CABCOCO1: variants seen among roughly 807,000 people sequenced by gnomAD.
The protein encoded by CABCOCO1 is ciliary-associated calcium-binding coiled-coil protein 1.
CABCOCO1 carries 28 observed loss-of-function variants against 35.7 expected under a neutral mutation model. The observed-to-expected ratio is 0.78, with a 90% CI of 0.58 to 1.07. The LOEUF is 1.07. CABCOCO1 is among the 50% of genes least tolerant of loss of function. CABCOCO1 has a pLI of 0.00. For missense variants in CABCOCO1, 326 were observed against 309.2 expected, an observed-to-expected ratio of 1.05 and a Z score of -0.41; for synonymous variants, 95 against 100.1, an observed-to-expected ratio of 0.95 and a Z score of 0.30.
chr10:61,679,537 T>A (rs1839643226), intron 2 of CABCOCO1, among the ~76,000 whole-genome samples: 1 of 152,078 alleles, frequency 6.6e-6, no homozygotes, highest in Non-Finnish European at 1.5e-5. Flanking sequence ...TTAAAAAAAA[T>A]AAATAAATGC....
intron 7 of CABCOCO1, among the ~76,000 whole-genome samples, chr10:61,763,880 G>A (rs1000169507): frequency 2.0e-5 from 3 of 151,898 alleles, no homozygotes; most frequent in Non-Finnish European, 4.4e-5. Flanking sequence ...AAGGAAACAC[G>A]GCTAATGACA....
chr10:61,743,099 G>A lies in CABCOCO1; in HGVS notation c.553-16960G>A, dbSNP rs532358429. Among the ~76,000 whole-genome samples, 33 of 152,126 alleles carry A rather than the reference G, an allele frequency of 2.2e-4. No individual in the cohort carries two copies. The South Asian group carries it at 2.3e-3, about 11-fold the overall frequency. On this transcript the variant is annotated intron_variant, in intron 5 of 7. Coordinates refer to ENST00000648843, the MANE Select transcript of CABCOCO1 (RefSeq NM_001366906.2). ...CACCAGTTGCAAGTAAAGTAATAAG[G>A]CCAAATTTATTTTTTTCATTGAGTC...
At chr10:61,701,743 T>A in intron 5 of CABCOCO1, 1 of 985,138 alleles carries the variant, frequency 1.0e-6, no homozygotes, top group Non-Finnish European at 1.2e-6. Flanking sequence ...GCAACCCACA[T>A]TTGAAAGTGG....
At chr10:61,683,363 T>A (rs1839857241) in intron 3 of CABCOCO1, among the ~76,000 whole-genome samples, 1 of 152,022 alleles carries the variant, frequency 6.6e-6, no homozygotes, top group Admixed American at 6.6e-5. Context: ...AGTCCAAGAC[T>A]AGCCTGGGCA....
At chr10:61,706,310 C>T (rs111466600) in intron 5 of CABCOCO1, among the ~76,000 whole-genome samples, 13 of 152,182 alleles carry the variant, frequency 8.5e-5, no homozygotes, top group Non-Finnish European at 1.3e-4. Context: ...GAGAAGGGAA[C>T]GCAGTTCATT....
At chr10:61,712,405 C>G (rs1037071982) in intron 5 of CABCOCO1, among the ~76,000 whole-genome samples, 11 of 152,046 alleles carry the variant, frequency 7.2e-5, no homozygotes, top group Non-Finnish European at 1.5e-4. Flanking sequence ...TGGATATTAG[C>G]CCTTTGGCAG....
In CABCOCO1 at chr10:61,735,650, C is replaced by T. The variant is rs574316285; in HGVS notation, c.553-24409C>T. 3.9e-5 allele frequency among the ~76,000 whole-genome samples: 6 copies of T among 152,214 alleles called. No homozygotes were observed. The East Asian group carries it at 9.6e-4, about 24-fold the overall frequency. ...TTTTAATCCTAAATTACATTTCCCT[C>T]TGTATTTCTTCTGTCACATGAGCCA... is the stretch of plus-strand genomic sequence containing the variant. On this transcript the variant is annotated intron_variant, in intron 5 of 7. Coordinates refer to ENST00000648843, the MANE Select transcript of CABCOCO1 (RefSeq NM_001366906.2).
At chr10:61,706,798 T>C (rs1840602960) in intron 5 of CABCOCO1, among the ~76,000 whole-genome samples, 1 of 152,080 alleles carries the variant, frequency 6.6e-6, no homozygotes, top group South Asian at 2.1e-4. Flanking sequence ...ATTGAATCAC[T>C]ACATGTTGGG....
rs747566888 is a variant in CABCOCO1, at chr10:61,671,336, A to G, written c.61-1296A>G. ...TGAGGCTCCGTCTCAAAAAAAAAAA[A>G]AGGTTTGACATGTACAGTTATGCAG... On this transcript the variant is annotated intron_variant, in intron 1 of 7. Coordinates refer to ENST00000648843, the MANE Select transcript of CABCOCO1 (RefSeq NM_001366906.2). Among the ~76,000 whole-genome samples, 227 of 152,174 alleles carry G rather than the reference A, an allele frequency of 1.5e-3. 3 individuals carry two copies. Among genetic ancestry groups the G allele is most frequent in the Middle Eastern group, 3.4e-3 (1 of 292 alleles).
intron 2 of CABCOCO1, among the ~76,000 whole-genome samples, chr10:61,680,652 T>TTATGATATACATGTATAACATATA (rs1839728969): frequency 2.6e-5 from 1 of 38,046 alleles, no homozygotes; most frequent in Non-Finnish European, 6.5e-5. Flanking sequence ...ATAATATATA[T>TTATGATATACATGTATAACATATA]TATGTTATAC....
At chr10:61,666,852 A>G (rs1258449885) in intron 1 of CABCOCO1, among the ~76,000 whole-genome samples, 4 of 148,494 alleles carry the variant, frequency 2.7e-5, no homozygotes, top group Non-Finnish European at 4.4e-5. Flanking sequence ...GAATGGACAA[A>G]ATAGGCAGCA....
chr10:61,707,004 A>C (rs1840608810), intron 5 of CABCOCO1, among the ~76,000 whole-genome samples: 1 of 151,914 alleles, frequency 6.6e-6, no homozygotes, highest in Admixed American at 6.6e-5. Flanking sequence ...TCAATGACCC[A>C]TTTTCGGTGC....
intron 5 of CABCOCO1, among the ~76,000 whole-genome samples, chr10:61,718,028 T>A (rs1421012833): frequency 6.6e-6 from 1 of 152,134 alleles, no homozygotes; most frequent in Non-Finnish European, 1.5e-5. Flanking sequence ...TGGATGCTGG[T>A]CCGCGTGGTT....
At chr10:61,699,571 C>A (rs1022198849) in intron 5 of CABCOCO1, among the ~76,000 whole-genome samples, 6 of 152,014 alleles carry the variant, frequency 3.9e-5, no homozygotes, top group African/African-American at 1.4e-4. Context: ...GTTCTTACTG[C>A]CTGAAAAGTT....
chr10:61,666,664 T>A (rs1359928904), intron 1 of CABCOCO1, among the ~76,000 whole-genome samples: 3 of 152,072 alleles, frequency 2.0e-5, no homozygotes, highest in African/African-American at 7.2e-5. Flanking sequence ...AAGTTTTATT[T>A]TACTATAGTT....
chr10:61,681,966 G>A (rs183637578), intron 3 of CABCOCO1, among the ~76,000 whole-genome samples: 8 of 152,228 alleles, frequency 5.3e-5, no homozygotes, highest in East Asian at 3.9e-4. Flanking sequence ...TTCTTCGTAC[G>A]TATTTTTGAA....
chr10:61,685,892 A>C, intron 3 of CABCOCO1, 149 bp from the exon 4 acceptor site: 1 of 700,332 alleles, frequency 1.4e-6, no homozygotes, highest in Non-Finnish European at 2.2e-6. Context: ...AAAACGTATT[A>C]ATTTATTATG....
At chr10:61,665,874 G>A (rs1286741315) in intron 1 of CABCOCO1, among the ~76,000 whole-genome samples, 3 of 134,398 alleles carry the variant, frequency 2.2e-5, no homozygotes, top group African/African-American at 7.7e-5. Context: ...GCGACAGAGC[G>A]AGACTCCGTC....
At chr10:61,663,336 G>T (rs1032497932) in intron 1 of CABCOCO1, among the ~76,000 whole-genome samples, 2 of 151,768 alleles carry the variant, frequency 1.3e-5, no homozygotes, top group Admixed American at 1.3e-4. Flanking sequence ...TCATAACCAC[G>T]CGCTTCTACC....
Sources: gnomAD v4.1 joint callset for allele counts (sites outside exome capture counted in the v4.1 genomes callset) on GRCh38, gnomAD v4.1.1 for gene constraint, MANE v1.5 for transcripts, NCBI Gene and HGNC (gene_info 2026-07-23, HGNC 2026-07-21) for gene names.